Variants in PKHD1L1 observed in about 807,000 individuals in gnomAD.
The protein encoded by PKHD1L1 is PKHD1 like 1, also known as fibrocystin-L.
A neutral mutation model predicts 462.9 loss-of-function variants in PKHD1L1; 434 were observed. The observed-to-expected ratio is 0.94, with a 90% CI of 0.87 to 1.02. The LOEUF (loss-of-function observed/expected upper bound fraction) is 1.02, where lower values mean the gene tolerates loss of function less well. Ranked by LOEUF, PKHD1L1 falls within the 50% of genes least tolerant of loss-of-function variation. The probability of loss-of-function intolerance (pLI) is 0.00; values close to 1 mark genes in which losing one functional copy is unlikely to be tolerated. For synonymous variants in PKHD1L1, 1,781 were observed against 1,750.0 expected, an observed-to-expected ratio of 1.02 and a Z score of -0.44; for missense variants, 5,202 against 5,096.1, an observed-to-expected ratio of 1.02 and a Z score of -0.63.
intron 46 of PKHD1L1, 107 bp from the exon 47 acceptor site, chr8:109,459,488 G>A: frequency 2.5e-6 from 2 of 809,136 alleles, no homozygotes; most frequent in South Asian, 2.8e-5. Context: ...CATAAGAATA[G>A]TTTCCTATTT....
chr8:109,441,220 A>G, intron 33 of PKHD1L1, 55 bp from the exon 34 acceptor site: 1 of 1,263,344 alleles, frequency 7.9e-7, no homozygotes, highest in Non-Finnish European at 1.1e-6. Context: ...ATTCACAAAA[A>G]AAAATTTGAC....
intron 67 of PKHD1L1, among the ~76,000 whole-genome samples, chr8:109,500,338 T>G (rs1819336579): frequency 6.6e-6 from 1 of 151,394 alleles, no homozygotes; most frequent in South Asian, 2.1e-4. Context: ...CTTCTGCTTG[T>G]CAAGATGGCT....
chr8:109,511,609 G>C (rs1169882695), intron 71 of PKHD1L1, among the ~76,000 whole-genome samples: 1 of 151,870 alleles, frequency 6.6e-6, no homozygotes, highest in Non-Finnish European at 1.5e-5. Flanking sequence ...GGACATTTGG[G>C]TTGGTTCCAA....
chr8:109,500,992 C>T (rs942301519), intron 67 of PKHD1L1, among the ~76,000 whole-genome samples: 1 of 152,128 alleles, frequency 6.6e-6, no homozygotes, highest in Non-Finnish European at 1.5e-5. Context: ...GACCTCCAGA[C>T]TCATAGAACC....
chr8:109,402,506 T>C (rs1813322818), intron 14 of PKHD1L1, among the ~76,000 whole-genome samples: 1 of 152,086 alleles, frequency 6.6e-6, no homozygotes. Flanking sequence ...GTTTGTCACA[T>C]TGTGGATAGC....
At chr8:109,423,605 G>A (rs573577175) in intron 23 of PKHD1L1, among the ~76,000 whole-genome samples, 44 of 152,070 alleles carry the variant, frequency 2.9e-4, no homozygotes, top group African/African-American at 9.9e-4. Context: ...AGCTATTCTA[G>A]GTCCTGTGCC....
rs1157795816 is a variant in PKHD1L1, at chr8:109,454,808, G to A, written c.6830G>A (p.Gly2277Asp). ...CGATCTCCTGAGCTCCCTGTCTATG[G>A]TGCCAAAACACTGGCTGTGCGGGAG... ...HLRSPELPVY[G>D]AKTLAVREGI... is the part of the protein sequence containing the mutation. The change falls in exon 45 of 78, where the codon GGT (glycine) becomes GAT (aspartate). Residue 2277 changes from glycine to aspartate, a missense_variant. This residue lies in a region of PKHD1L1 where 4,497 missense variants were observed against 4,336.8 expected (regional missense o/e 1.04). Coordinates refer to ENST00000378402, the MANE Select transcript of PKHD1L1 (RefSeq NM_177531.6). 1 of 1,613,770 alleles carries A rather than the reference G, an allele frequency of 6.2e-7. No homozygotes were observed. Among genetic ancestry groups the A allele is most frequent in the South Asian group, 1.1e-5 (1 of 91,058 alleles).
In PKHD1L1 at chr8:109,452,281, G is replaced by A. The variant is rs72687022; in HGVS notation, c.6507+1G>A. 9.4e-3 allele frequency: 15,087 copies of A among 1,597,078 alleles called. 89 individuals are homozygous for A. The highest frequency in any genetic ancestry group is 0.023 in the Middle Eastern group (137 of 6,010). On this transcript the variant is annotated splice_donor_variant, in intron 42 of 77. Coordinates refer to ENST00000378402, the MANE Select transcript of PKHD1L1 (RefSeq NM_177531.6). LOFTEE classifies it high-confidence loss of function. ...CAGAGGTGTCGGCATGGCCAAACTG[G>A]TAATAGTGCTGTTGGGTATAGTAAT...
At chr8:109,483,202 T>G (rs1395331173) in intron 57 of PKHD1L1, 97 bp downstream of exon 57, 7 of 804,234 alleles carry the variant, frequency 8.7e-6, no homozygotes, top group Non-Finnish European at 1.3e-5. Flanking sequence ...TTTTCTCATG[T>G]GATTAACCAG....
Position 109,454,708 on chromosome 8 carries a change from T to C in PKHD1L1, c.6745-15T>C, listed in dbSNP as rs1586551028. The C allele has an allele frequency of 6.2e-7, 1 of 1,611,508 alleles. No individual in the cohort carries two copies. Among genetic ancestry groups the C allele is most frequent in the South Asian group, 1.1e-5 (1 of 90,816 alleles). On this transcript the variant is annotated splice_polypyrimidine_tract_variant and intron_variant, in intron 44 of 77. Transcript: ENST00000378402. ...GTTTTAATTTTCTGAATGGCATTTG[T>C]GACATCTTTTGCAGATTGGAACAGA... is the stretch of plus-strand genomic sequence containing the variant.
chr8:109,431,894 C>A (rs983330798), intron 27 of PKHD1L1, among the ~76,000 whole-genome samples: 4 of 152,102 alleles, frequency 2.6e-5, no homozygotes, highest in African/African-American at 7.2e-5. Context: ...TACTAGATGA[C>A]CAAATTGCTC....
rs535145674 is a variant in PKHD1L1, at chr8:109,401,592, A to G, written c.1373+4A>G. 248 of 1,495,198 alleles carry G rather than the reference A, an allele frequency of 1.7e-4. 2 individuals are homozygous for G. Among genetic ancestry groups the G allele is most frequent in the Non-Finnish European group, 2.2e-4 (233 of 1,077,862 alleles). 92.6% of individuals were successfully genotyped at this position (1,495,198 alleles called of 1,614,324 possible). A position where few individuals can be genotyped will look rare whatever the true frequency, so the allele number is the denominator to read the frequency against. The stretch of plus-strand genomic sequence containing the variant: ...TTCATCTGCAGAAAGGAAAAGAGTA[A>G]GGCTTTTTCCTGTCATTAAATTACT... On this transcript the variant is annotated splice_donor_region_variant and intron_variant, in intron 14 of 77. Coordinates refer to ENST00000378402, the MANE Select transcript of PKHD1L1 (RefSeq NM_177531.6).
chr8:109,452,723 T>C lies in PKHD1L1; in HGVS notation c.6513T>C (p.Asn2171=). 6.5e-7 allele frequency: 1 copy of C among 1,528,234 alleles called. No individual in the cohort carries two copies. Among genetic ancestry groups the C allele is most frequent in the Non-Finnish European group, 8.8e-7 (1 of 1,140,996 alleles). 94.7% of individuals were successfully genotyped at this position (1,528,234 alleles called of 1,614,324 possible). ...TCTCTTATGTTCTATTACAGGATAA[T>C]GCTGACTTTCTTTATGTTGATGCCT... ...IRGVGMAKLD[N]ADFLYVDAWS... The change falls in exon 43 of 78, where the codon AAT becomes AAC. Residue 2171 remains asparagine (N), a synonymous_variant. Transcript: ENST00000378402.
intron 48 of PKHD1L1, among the ~76,000 whole-genome samples, chr8:109,462,389 A>G (rs551457024): frequency 3.3e-5 from 5 of 152,216 alleles, no homozygotes; most frequent in East Asian, 3.9e-4. Flanking sequence ...AGTCCATCCC[A>G]TAGGAATCAT....
chr8:109,480,360 T>C (rs193045176), intron 55 of PKHD1L1, among the ~76,000 whole-genome samples: 2 of 152,032 alleles, frequency 1.3e-5, no homozygotes, highest in African/African-American at 4.8e-5. Flanking sequence ...GATTCTTGAG[T>C]CTGCAGTTGG....
chr8:109,425,298 T>A (rs1012034064), intron 24 of PKHD1L1, 66 bp downstream of exon 24: 27 of 1,273,356 alleles, frequency 2.1e-5, no homozygotes, highest in Non-Finnish European at 2.7e-5. Flanking sequence ...TATAAAGTGT[T>A]AAATTTTGTT....
At chr8:109,508,059 C>T in intron 69 of PKHD1L1, 38 bp from the exon 70 acceptor site, 1 of 1,546,306 alleles carries the variant, frequency 6.5e-7, no homozygotes, top group Non-Finnish European at 8.7e-7. Flanking sequence ...CAAAGAGATT[C>T]TGTATTATTG....
chr8:109,405,002 C>T lies in PKHD1L1; in HGVS notation c.1541C>T (p.Thr514Ile). 3 of 1,497,930 alleles carry T rather than the reference C, an allele frequency of 2.0e-6. No homozygotes were observed. Among genetic ancestry groups the T allele is most frequent in the Non-Finnish European group, 1.8e-6 (2 of 1,116,408 alleles). 92.8% of individuals were successfully genotyped at this position (1,497,930 alleles called of 1,614,324 possible). ...TTCTTAATTGGAAAATAGGTTATAA[C>T]ATTGGAAAACTGGGAAACAACTAAT... The part of the protein sequence containing the change: ...STILQEVQVI[T>I]LENWETTNAI... The change falls in exon 16 of 78, where the codon ACA becomes ATA. Residue 514 changes from threonine (T) to isoleucine (I), a missense_variant. By Grantham distance (89) the Thr-to-Ile change is moderately conservative. Transcript: ENST00000378402.
intron 24 of PKHD1L1, among the ~76,000 whole-genome samples, chr8:109,425,756 T>C (rs1354892281): frequency 6.6e-6 from 1 of 152,128 alleles, no homozygotes; most frequent in Non-Finnish European, 1.5e-5. Context: ...AAGTCATCTA[T>C]AATTGAATTA....
Sources: gnomAD v4.1 joint callset for allele counts (sites outside exome capture counted in the v4.1 genomes callset) on GRCh38, gnomAD v4.1.1 for gene constraint, gnomAD v4.1.1 regional missense constraint, MANE v1.5 for transcripts, NCBI Gene and HGNC (gene_info 2026-07-23, HGNC 2026-07-21) for gene names.